PCDHGA8: variants seen among roughly 807,000 people sequenced by gnomAD.
PCDHGA8 encodes the protein protocadherin gamma-A8.
PCDHGA8 carries 45 observed loss-of-function variants against 59.2 expected under a neutral mutation model. That is an observed-to-expected ratio of 0.76 (90% CI 0.60 to 0.98). The LOEUF (loss-of-function observed/expected upper bound fraction) is 0.98, where lower values mean the gene tolerates loss of function less well. PCDHGA8 is among the 50% of genes least tolerant of loss of function. The pLI is 0.00. For synonymous variants in PCDHGA8, 531 were observed against 519.0 expected, an observed-to-expected ratio of 1.02 and a Z score of -0.32; for missense variants, 1,257 against 1,196.2, an observed-to-expected ratio of 1.05 and a Z score of -0.75.
At chr5:141,399,466 G>A (rs1229342978) in intron 1 of PCDHGA8, 5 of 1,613,886 alleles carry the variant, frequency 3.1e-6, no homozygotes, top group East Asian at 4.5e-5. Context: ...TAACGCTCCG[G>A]TTTTCCACCA....
chr5:141,421,216 T>G, intron 1 of PCDHGA8: 1 of 1,567,154 alleles, frequency 6.4e-7, no homozygotes, highest in Non-Finnish European at 8.6e-7. Flanking sequence ...GAATATCGGC[T>G]TAGAGCCTGC....
rs770821376 is a variant in PCDHGA8, at chr5:141,393,744, G to T, written c.931G>T (p.Glu311Ter). 3 of 1,613,868 alleles carry T rather than the reference G, an allele frequency of 1.9e-6. No homozygotes were observed. The highest frequency in any genetic ancestry group is 2.2e-5 in the South Asian group (2 of 91,078). The change falls in exon 1 of 4, where the codon GAA becomes TAA. Residue 311 changes from glutamate to a stop codon, truncating the protein, a stop_gained. Coordinates refer to ENST00000398604, the MANE Select transcript of PCDHGA8 (RefSeq NM_032088.2). LOFTEE classifies it high-confidence loss of function. ...AATAGCAAAAAGTCTAGATTATGAA[G>T]AATGTTCATTTTATGAAATGGAAAT... is the stretch of plus-strand genomic sequence containing the variant. ...ISIAKSLDYE[E>*]CSFYEMEIQA... is the part of the protein sequence containing the mutation.
chr5:141,423,516 C>T (rs2096749721), intron 1 of PCDHGA8: 1 of 1,613,732 alleles, frequency 6.2e-7, no homozygotes, highest in Non-Finnish European at 8.5e-7. Flanking sequence ...TCATTGCGGA[C>T]TCGCAGAAGA....
intron 1 of PCDHGA8, among the ~76,000 whole-genome samples, chr5:141,460,961 A>ATGTG (rs35821115): frequency 4.1e-5 from 6 of 144,616 alleles, no homozygotes; most frequent in South Asian, 2.2e-4. Context: ...GTATATATAT[A>ATGTG]TGTGTGTGTG....
rs756466649 is a variant in PCDHGA8, at chr5:141,495,663, G to A, written c.2483+798G>A. 1.1e-3 allele frequency among the ~76,000 whole-genome samples: 169 copies of A among 152,164 alleles called. 3 individuals are homozygous for A. The highest frequency in any genetic ancestry group is 1.9e-3 in the Admixed American group (29 of 15,272). ...TTGTCTACTTGCATTGATCTGTGCCGCCCACTGTGCCTGCCATGGCATAAG... is the reference window on the plus strand; with the variant it reads ...TTGTCTACTTGCATTGATCTGTGCCACCCACTGTGCCTGCCATGGCATAAG... On this transcript the variant is annotated intron_variant, in intron 2 of 3. Coordinates refer to ENST00000398604, the MANE Select transcript of PCDHGA8 (RefSeq NM_032088.2).
At chr5:141,460,872 T>C (rs2098999714) in intron 1 of PCDHGA8, among the ~76,000 whole-genome samples, 1 of 151,064 alleles carries the variant, frequency 6.6e-6, no homozygotes, top group South Asian at 2.1e-4. Flanking sequence ...GCAAAGGACA[T>C]TATTTCATGC....
chr5:141,404,347 C>A (rs1451476815), intron 1 of PCDHGA8: 2 of 1,613,916 alleles, frequency 1.2e-6, no homozygotes, highest in Non-Finnish European at 1.7e-6. Context: ...CGGAAAACAA[C>A]GCCAGAGGTA....
rs553462245 is a variant in PCDHGA8 at position 141,511,198 on chromosome 5, A to T, written c.*25A>T. Reference sequence around the variant, plus strand: ...ACATGGAGGCCAGGCCAAGAGCCACAGGGCGGCCTCTCCCCAACCAGCCCA... The same window carrying T: ...ACATGGAGGCCAGGCCAAGAGCCACTGGGCGGCCTCTCCCCAACCAGCCCA... On this transcript the variant is annotated 3_prime_UTR_variant, in exon 4 of 4. Transcript: ENST00000398604. The T allele has an allele frequency of 2.7e-5, 43 of 1,612,954 alleles. 1 individual carries two copies. The South Asian group carries it at 4.5e-4, about 17-fold the overall frequency.
At chr5:141,399,298 A>T (rs1451298331) in intron 1 of PCDHGA8, 1 of 1,613,850 alleles carries the variant, frequency 6.2e-7, no homozygotes, top group Non-Finnish European at 8.5e-7. Flanking sequence ...TTTTAAGATT[A>T]TCTCTTCATC....
chr5:141,447,481 A>G lies in PCDHGA8; in HGVS notation c.2425-47326A>G, dbSNP rs141192758. 3.9e-3 allele frequency among the ~76,000 whole-genome samples: 591 copies of G among 152,326 alleles called. 6 individuals carry two copies. The highest frequency in any genetic ancestry group is 0.011 in the Admixed American group (170 of 15,286). ...TTTTCTTCACCATCTGTAAAACTGC[A>G]TAGAAGGAATGTTTAGGATAAAAGA... On this transcript the variant is annotated intron_variant, in intron 1 of 3. Transcript: ENST00000398604.
At chr5:141,492,495 G>A (rs750427038) in intron 1 of PCDHGA8, among the ~76,000 whole-genome samples, 65 of 152,186 alleles carry the variant, frequency 4.3e-4, no homozygotes, top group Non-Finnish European at 6.0e-4. Context: ...ACCAGGCGAG[G>A]ACTCCGGAGC....
At chr5:141,421,619 C>T (rs778666303) in intron 1 of PCDHGA8, 2 of 1,613,694 alleles carry the variant, frequency 1.2e-6, no homozygotes, top group South Asian at 1.1e-5. Flanking sequence ...AATGATAACG[C>T]CCCCAGCTTC....
intron 1 of PCDHGA8, chr5:141,423,492 C>T (rs2154550191): frequency 1.2e-6 from 2 of 1,613,972 alleles, no homozygotes; most frequent in East Asian, 4.5e-5. Context: ...AAACCTATTC[C>T]CACGAGGTCT....
intron 1 of PCDHGA8, chr5:141,423,748 T>TG: frequency 7.2e-6 from 2 of 278,014 alleles, no homozygotes; most frequent in Admixed American, 4.2e-4. Flanking sequence ...ATGAAAACTG[T>TG]TTGGGGGGGG....
At chr5:141,404,080 C>T (rs369802030) in intron 1 of PCDHGA8, 6 of 1,613,516 alleles carry the variant, frequency 3.7e-6, no homozygotes, top group Non-Finnish European at 4.2e-6. Context: ...ACCGAGACTC[C>T]GGGAAGAATG....
In PCDHGA8 at chr5:141,394,660, T is replaced by G; in HGVS notation, c.1847T>G (p.Leu616Arg). The G allele has an allele frequency of 6.2e-7, 1 of 1,613,264 alleles. No homozygotes were observed. Among genetic ancestry groups the G allele is most frequent in the East Asian group, 2.2e-5 (1 of 44,828 alleles). ...YRLLKASEPG[L>R]FSVGLHTGEV... ...CTGCTCAAGGCCAGCGAGCCGGGAC[T>G]CTTCTCGGTGGGTCTGCACACGGGC... The change falls in exon 1 of 4, where the codon CTC (leucine) becomes CGC (arginine). Residue 616 changes from leucine (L) to arginine (R), a missense_variant. Leu to Arg is a moderately radical substitution (Grantham distance 102). Coordinates refer to ENST00000398604, the MANE Select transcript of PCDHGA8 (RefSeq NM_032088.2).
At chr5:141,415,504 C>A in intron 1 of PCDHGA8, 2 of 1,614,216 alleles carry the variant, frequency 1.2e-6, no homozygotes, top group Non-Finnish European at 1.7e-6. Context: ...CTTCCCCCAG[C>A]CCAATTATGC....
chr5:141,475,213 G>C (rs1359120020), intron 1 of PCDHGA8, among the ~76,000 whole-genome samples: 2 of 152,170 alleles, frequency 1.3e-5, no homozygotes, highest in African/African-American at 4.8e-5. Context: ...GAAAAGGATT[G>C]ATCAAGTAAA....
At chr5:141,453,185 C>T (rs2098757478) in intron 1 of PCDHGA8, among the ~76,000 whole-genome samples, 1 of 152,146 alleles carries the variant, frequency 6.6e-6, no homozygotes, top group South Asian at 2.1e-4. Flanking sequence ...ACAATCACAG[C>T]TCACTGCAGC....
Sources: gnomAD v4.1 joint callset for allele counts (sites outside exome capture counted in the v4.1 genomes callset) on GRCh38, gnomAD v4.1.1 for gene constraint, MANE v1.5 for transcripts, NCBI Gene and HGNC (gene_info 2026-07-23, HGNC 2026-07-21) for gene names.